The following SPECC1 variants were observed in gnomAD, a reference collection of about 807,000 sequenced individuals.
SPECC1 encodes the protein cytospin-B.
In SPECC1, 62 loss-of-function variants were observed where a neutral mutation model predicts 104.1. That is an observed-to-expected ratio of 0.60 (90% CI 0.49 to 0.74). The LOEUF (loss-of-function observed/expected upper bound fraction) is 0.74, where lower values mean the gene tolerates loss of function less well. Among genes scored for constraint, SPECC1 ranks in the 30% least tolerant of loss-of-function variants. The probability of loss-of-function intolerance (pLI) is 0.00; values close to 1 mark genes in which losing one functional copy is unlikely to be tolerated. For missense variants in SPECC1, 1,306 were observed against 1,310.5 expected, an observed-to-expected ratio of 1.00 and a Z score of 0.05; for synonymous variants, 513 against 501.6, an observed-to-expected ratio of 1.02 and a Z score of -0.30.
chr17:20,129,253 C>A, intron 3 of SPECC1, among the ~76,000 whole-genome samples: 1 of 150,782 alleles, frequency 6.6e-6, no homozygotes, highest in South Asian at 2.1e-4. Flanking sequence ...GGCACCATCT[C>A]GGCTCACTGC....
chr17:20,156,776 T>C (rs1199272256), intron 3 of SPECC1, among the ~76,000 whole-genome samples: 1 of 152,166 alleles, frequency 6.6e-6, no homozygotes, highest in Non-Finnish European at 1.5e-5. Context: ...TGAGTGAGCT[T>C]CGTGGAGTCA....
At chr17:20,230,464 T>A (rs1567965245) in intron 5 of SPECC1, among the ~76,000 whole-genome samples, 1 of 151,962 alleles carries the variant, frequency 6.6e-6, no homozygotes, top group Non-Finnish European at 1.5e-5. Context: ...AGTGTATCCT[T>A]CCAAACCCAG....
Position 20,231,842 on chromosome 17 carries a change from G to A in SPECC1, c.2145+11G>A. On this transcript the variant is annotated intron_variant, in intron 6 of 14. Transcript: ENST00000395527. ...ACCAAGCAGATGAAGGTGAGATGCGGGTGGGAGCCTTCACCACCATCTTCC... is the reference window on the plus strand; with the variant it reads ...ACCAAGCAGATGAAGGTGAGATGCGAGTGGGAGCCTTCACCACCATCTTCC... 3 of 1,613,848 alleles carry A rather than the reference G, an allele frequency of 1.9e-6. No homozygotes were observed. Among genetic ancestry groups the A allele is most frequent in the Admixed American group, 1.7e-5 (1 of 60,020 alleles).
chr17:20,233,946 G>T (rs960008666), intron 7 of SPECC1, among the ~76,000 whole-genome samples: 2 of 152,146 alleles, frequency 1.3e-5, no homozygotes, highest in Non-Finnish European at 2.9e-5. Flanking sequence ...AGTTTCTATG[G>T]TGGCCCTGAA....
intron 13 of SPECC1, among the ~76,000 whole-genome samples, chr17:20,302,682 A>T (rs1024563584): frequency 6.8e-6 from 1 of 146,382 alleles, no homozygotes; most frequent in African/African-American, 2.5e-5. Flanking sequence ...GATTACAGGC[A>T]TGTTGCCACC....
chr17:20,165,381 A>G (rs2033563286), intron 3 of SPECC1, among the ~76,000 whole-genome samples: 2 of 152,220 alleles, frequency 1.3e-5, no homozygotes, highest in African/African-American at 2.4e-5. Context: ...TGCAGAGGGC[A>G]TGATCTTGTT....
At chr17:20,146,031 A>G (rs4925088) in intron 3 of SPECC1, among the ~76,000 whole-genome samples, 59,010 of 152,106 alleles carry the variant, frequency 0.39, 12,115 homozygotes, top group Middle Eastern at 0.49. Context: ...TTGCATTAGG[A>G]TGGTACATTT....
chr17:20,175,148 C>T (rs2034382428), intron 3 of SPECC1, among the ~76,000 whole-genome samples: 1 of 152,064 alleles, frequency 6.6e-6, no homozygotes, highest in South Asian at 2.1e-4. Context: ...GCTGTGGGCC[C>T]AGGACCTTCA....
intron 12 of SPECC1, among the ~76,000 whole-genome samples, chr17:20,294,411 C>T (rs2041273118): frequency 6.6e-6 from 1 of 152,160 alleles, no homozygotes; most frequent in South Asian, 2.1e-4. Context: ...GCTGACGGGG[C>T]TGCTGAACAG....
chr17:20,276,416 C>T (rs2040578168), intron 12 of SPECC1, among the ~76,000 whole-genome samples: 1 of 152,178 alleles, frequency 6.6e-6, no homozygotes. Flanking sequence ...GCCACTTTGC[C>T]CAGCTCCTTT....
Position 20,147,077 on chromosome 17 carries a change from C to T in SPECC1, c.283+36515C>T, listed in dbSNP as rs1046322323. Among the ~76,000 whole-genome samples the T allele has an allele frequency of 2.7e-5, 4 of 147,450 alleles. No homozygotes were observed. The South Asian group carries it at 6.4e-4, about 24-fold the overall frequency. On this transcript the variant is annotated intron_variant, in intron 3 of 14. Transcript: ENST00000395527. ...CTAATAGGTGCATAACAGTATGGAT[C>T]GTGATTTTTTTTTTTTTTTTTTTGA...
intron 1 of SPECC1, among the ~76,000 whole-genome samples, chr17:20,080,319 G>A (rs976202719): frequency 6.6e-6 from 1 of 152,100 alleles, no homozygotes; most frequent in Non-Finnish European, 1.5e-5. Flanking sequence ...TGAACTCAGG[G>A]AGGACACTGT....
intron 3 of SPECC1, among the ~76,000 whole-genome samples, chr17:20,167,491 C>T (rs1174828956): frequency 6.6e-6 from 1 of 152,056 alleles, no homozygotes; most frequent in Non-Finnish European, 1.5e-5. Context: ...CCAGCCTGAC[C>T]ATCATGGAGA....
chr17:20,066,997 C>T (rs972965370), intron 1 of SPECC1, among the ~76,000 whole-genome samples: 10 of 149,788 alleles, frequency 6.7e-5, no homozygotes, highest in African/African-American at 2.0e-4. Context: ...GTAATCTTCC[C>T]GCCTTGGCCT....
intron 7 of SPECC1, chr17:20,237,994 A>C: frequency 9.9e-7 from 1 of 1,007,242 alleles, no homozygotes. Context: ...TGGCCGCCTC[A>C]GCCTCCCAAA....
At chr17:20,041,370 G>C (rs2045320811) in intron 1 of SPECC1, among the ~76,000 whole-genome samples, 1 of 151,650 alleles carries the variant, frequency 6.6e-6, no homozygotes, top group African/African-American at 2.4e-5. Context: ...GGCCTCCTGA[G>C]TAGCTAGGAT....
chr17:20,187,239 A>G (rs1447249493), intron 3 of SPECC1, among the ~76,000 whole-genome samples: 1 of 152,100 alleles, frequency 6.6e-6, no homozygotes. Context: ...CTGACTCGGC[A>G]TTGGTCAGAC....
chr17:20,074,598 TCGA>T (rs1176159195), intron 1 of SPECC1, among the ~76,000 whole-genome samples: 2 of 152,188 alleles, frequency 1.3e-5, no homozygotes, highest in African/African-American at 4.8e-5. Flanking sequence ...CCACCCCTTC[TCGA>T]TAGAATGCTA....
chr17:20,217,130 C>A (rs1404593305), intron 4 of SPECC1, among the ~76,000 whole-genome samples: 3 of 152,168 alleles, frequency 2.0e-5, no homozygotes, highest in African/African-American at 7.2e-5. Flanking sequence ...CTGGATTACT[C>A]TTTTCAAGTG....
Sources: gnomAD v4.1 joint callset for allele counts (sites outside exome capture counted in the v4.1 genomes callset) on GRCh38, gnomAD v4.1.1 for gene constraint, MANE v1.5 for transcripts, NCBI Gene and HGNC (gene_info 2026-07-23, HGNC 2026-07-21) for gene names.